The following MINAR1 variants were observed in gnomAD, a reference collection of about 807,000 sequenced individuals.
The protein encoded by MINAR1 is membrane integral NOTCH2 associated receptor 1, also known as major intrinsically disordered Notch2-binding receptor 1.
A neutral mutation model predicts 65.1 loss-of-function variants in MINAR1; 40 were observed. The observed-to-expected ratio is 0.61, with a 90% CI of 0.48 to 0.80. The LOEUF is 0.80. Among genes scored for constraint, MINAR1 ranks in the 30% least tolerant of loss-of-function variants. The probability of loss-of-function intolerance (pLI) is 0.00; values close to 1 mark genes in which losing one functional copy is unlikely to be tolerated. For synonymous variants in MINAR1, 482 were observed against 449.1 expected (o/e 1.07, Z -0.93); for missense variants, 1,128 against 1,148.0 (o/e 0.98, Z 0.25).
the MINAR1 span, chr15:79,415,408 C>T: frequency 6.6e-6 from 1 of 152,208 alleles, no homozygotes; most frequent in South Asian, 2.1e-4. Flanking sequence ...TCCTCCAAAG[C>T]ACGAAGGAGC....
chr15:79,444,043 G>A (rs1894942365), intron 1 of MINAR1, among the ~76,000 whole-genome samples: 1 of 152,178 alleles, frequency 6.6e-6, no homozygotes, highest in Non-Finnish European at 1.5e-5. Flanking sequence ...GTGAAGTGCT[G>A]TATAATGTGA....
In MINAR1 at chr15:79,447,098, G is replaced by C. The variant is rs576115670; in HGVS notation, c.-50-9000G>C. Among the ~76,000 whole-genome samples, 3 of 152,250 alleles carry C rather than the reference G, an allele frequency of 2.0e-5. No individual in the cohort carries two copies. The South Asian group carries it at 6.2e-4, about 32-fold the overall frequency. On this transcript the variant is annotated intron_variant, in intron 1 of 3. Coordinates refer to ENST00000305428, the MANE Select transcript of MINAR1 (RefSeq NM_015206.3). Reference sequence around the variant, plus strand: ...AGACAGGGTTTCACCATGTTGGCCAGGCTGGTCTTGAACTCCTGACCTCAA... The same window carrying C: ...AGACAGGGTTTCACCATGTTGGCCACGCTGGTCTTGAACTCCTGACCTCAA...
At chr15:79,427,740 T>C (rs996379425), upstream of MINAR1, among the ~76,000 whole-genome samples, 1 of 152,218 alleles carries the variant, frequency 6.6e-6, no homozygotes, top group Non-Finnish European at 1.5e-5. Flanking sequence ...GCATGACATA[T>C]ATCCTTTTAA....
intron 1 of MINAR1, among the ~76,000 whole-genome samples, chr15:79,445,929 T>C (rs558592120): frequency 1.4e-4 from 22 of 152,374 alleles, no homozygotes; most frequent in African/African-American, 5.0e-4. Context: ...TTGAGAGTCA[T>C]AGTCTTGTAA....
At chr15:79,442,687 T>TA (rs1478872063) in intron 1 of MINAR1, among the ~76,000 whole-genome samples, 1 of 151,834 alleles carries the variant, frequency 6.6e-6, no homozygotes, top group Non-Finnish European at 1.5e-5. Flanking sequence ...TTTAGAGCCT[T>TA]ACTTATATAA....
In MINAR1 at chr15:79,468,394, G is replaced by A; in HGVS notation, c.*10G>A. ...CACAATGAAATCATGAGCTAAGAAT[G>A]CAACCTTACGTACAGCTTATGACTA... On this transcript the variant is annotated 3_prime_UTR_variant, in exon 4 of 4. Transcript: ENST00000305428. 6.2e-7 allele frequency: 1 copy of A among 1,612,226 alleles called. No individual in the cohort carries two copies. The highest frequency in any genetic ancestry group is 1.1e-5 in the South Asian group (1 of 90,762).
rs1896077536 is a variant in MINAR1 at position 79,471,468 on chromosome 15, C to A, written c.*3084C>A. 1 of 152,562 alleles carries A rather than the reference C, an allele frequency of 6.6e-6. No homozygotes were observed. Among genetic ancestry groups the A allele is most frequent in the Non-Finnish European group, 1.5e-5 (1 of 68,016 alleles). The allele number at this position is 152,562 out of a possible 1,614,324, so 9.5% of individuals were successfully genotyped here. On this transcript the variant is annotated 3_prime_UTR_variant, in exon 4 of 4. Transcript: ENST00000305428. ...TTTTGCCGACATTTTATACCAGTAT[C>A]CCCTTCATTACAGTAAACTAAATCA...
chr15:79,451,365 C>T (rs1248623491), intron 1 of MINAR1, among the ~76,000 whole-genome samples: 1 of 152,120 alleles, frequency 6.6e-6, no homozygotes, highest in Non-Finnish European at 1.5e-5. Context: ...TGTTGAGCAC[C>T]ACGGAGGGAA....
intron 1 of MINAR1, among the ~76,000 whole-genome samples, chr15:79,454,737 TAA>T (rs56143323): frequency 6.6e-6 from 1 of 151,552 alleles, no homozygotes; most frequent in East Asian, 1.9e-4. Flanking sequence ...AGATGGGAAA[TAA>T]AAAAAAACCT....
At chr15:79,431,972 G>A (rs989953707), upstream of MINAR1, among the ~76,000 whole-genome samples, 2 of 152,122 alleles carry the variant, frequency 1.3e-5, no homozygotes, top group Non-Finnish European at 2.9e-5. Flanking sequence ...CCGCCCCCTC[G>A]GTCCCCCAGG....
At chr15:79,426,397 T>C in the MINAR1 span, 1 of 152,254 alleles carries the variant, frequency 6.6e-6, no homozygotes, top group Non-Finnish European at 1.5e-5. Context: ...CTCGGGCCAC[T>C]TGCCCGTGCC....
chr15:79,452,113 T>C (rs768004375), intron 1 of MINAR1, among the ~76,000 whole-genome samples: 3 of 152,066 alleles, frequency 2.0e-5, no homozygotes, highest in Non-Finnish European at 2.9e-5. Flanking sequence ...CTTGTGTGAA[T>C]TGTGTGTACA....
Position 79,457,845 on chromosome 15 carries a change from A to G in MINAR1, c.1698A>G (p.Lys566=). ...GTTCCCCTGAGCACAACTTAACCAA[A>G]ATTGCCAATGGGGTCCCCAACAGCA... ...CDSSPEHNLT[K]IANGVPNSKG... is the part of the protein sequence containing the mutation. The change falls in exon 2 of 4, where the codon AAA becomes AAG. Residue 566 remains lysine (K), a synonymous_variant. Transcript: ENST00000305428. The G allele has an allele frequency of 6.2e-7, 1 of 1,614,100 alleles. No homozygotes were observed. The highest frequency in any genetic ancestry group is 8.5e-7 in the Non-Finnish European group (1 of 1,180,028).
In MINAR1 at chr15:79,456,463, C is replaced by G; in HGVS notation, c.316C>G (p.Pro106Ala). Reference sequence around the variant, plus strand: ...TGGCGGGGCTGCCAAGGAGAAGCTGCCCACGGGCCGCCAGAAGGTACGCAA... The same window carrying G: ...TGGCGGGGCTGCCAAGGAGAAGCTGGCCACGGGCCGCCAGAAGGTACGCAA... ...MNGGAAKEKLPTGRQKVRKKE... is the reference protein window; with the variant it reads ...MNGGAAKEKLATGRQKVRKKE... Residue 106 changes from proline to alanine, a missense_variant, in exon 2 of 4, where the codon CCC becomes GCC. Physicochemically the swap from Pro to Ala is conservative, Grantham distance 27. Transcript: ENST00000305428. 2 of 1,614,100 alleles carry G rather than the reference C, an allele frequency of 1.2e-6. No individual in the cohort carries two copies. The highest frequency in any genetic ancestry group is 1.6e-4 in the Middle Eastern group (1 of 6,062).
intron 1 of MINAR1, among the ~76,000 whole-genome samples, chr15:79,450,856 T>G (rs1895169544): frequency 6.6e-6 from 1 of 152,214 alleles, no homozygotes; most frequent in East Asian, 1.9e-4. Context: ...ACTGCTAGAA[T>G]TCCCATTGCT....
At chr15:79,416,778 C>T in the MINAR1 span, 1 of 152,172 alleles carries the variant, frequency 6.6e-6, no homozygotes, top group African/African-American at 2.4e-5. Context: ...TGAGGAACAC[C>T]GTGGTTCTAC....
chr15:79,455,543 T>G lies in MINAR1; in HGVS notation c.-50-555T>G, dbSNP rs1895383115. ...TTAGGAAAACTTCTCTGTGCCCCTT[T>G]GAGGTCAACCCTCCTCCTCACATCC... is the stretch of plus-strand genomic sequence containing the variant. On this transcript the variant is annotated intron_variant, in intron 1 of 3. Transcript: ENST00000305428. Among the ~76,000 whole-genome samples, 8 of 152,206 alleles carry G rather than the reference T, an allele frequency of 5.3e-5. No individual in the cohort carries two copies. The South Asian group carries it at 1.7e-3, about 32-fold the overall frequency.
intron 1 of MINAR1, among the ~76,000 whole-genome samples, chr15:79,448,115 T>TA (rs1479822047): frequency 6.6e-6 from 1 of 152,240 alleles, no homozygotes; most frequent in African/African-American, 2.4e-5. Context: ...TTATGCCCGT[T>TA]AAGAAAAAAA....
rs1182511584 is a variant in MINAR1, at chr15:79,469,420, AATAAT to A, written c.*1043_*1047del. 3 of 152,640 alleles carry A rather than the reference AATAAT, an allele frequency of 2.0e-5. No homozygotes were observed. Among genetic ancestry groups the A allele is most frequent in the African/African-American group, 7.2e-5 (3 of 41,448 alleles). 9.5% of individuals were successfully genotyped at this position (152,640 alleles called of 1,614,324 possible). On this transcript the variant is annotated 3_prime_UTR_variant, in exon 4 of 4. Coordinates refer to ENST00000305428, the MANE Select transcript of MINAR1 (RefSeq NM_015206.3). ...TTTGAAAGCTTGCTCAATAATGTTCAATAATATAATAATAATAAAGGCACTGAGGT... is the reference window on the plus strand; with the variant it reads ...TTTGAAAGCTTGCTCAATAATGTTCAATAATAATAATAAAGGCACTGAGGT...
Sources: gnomAD v4.1 joint callset for allele counts (sites outside exome capture counted in the v4.1 genomes callset) on GRCh38, gnomAD v4.1.1 for gene constraint, MANE v1.5 for transcripts, NCBI Gene and HGNC (gene_info 2026-07-23, HGNC 2026-07-21) for gene names.